Variants in LRRC18 observed in about 807,000 individuals in gnomAD.
The protein encoded by LRRC18 is leucine-rich repeat-containing protein 18.
Under a neutral mutation model 11.2 loss-of-function variants are expected in LRRC18, and 12 were observed. That is an observed-to-expected ratio of 1.07 (90% CI 0.69 to 1.74). The LOEUF is 1.74. LRRC18 is among the 40% of genes most tolerant of loss of function. The pLI is 0.00. For missense variants in LRRC18, 374 were observed against 330.5 expected, an observed-to-expected ratio of 1.13 and a Z score of -1.02; for synonymous variants, 155 against 130.6, an observed-to-expected ratio of 1.19 and a Z score of -1.27.
chr10:48,918,903 A>G (rs559134686), upstream of LRRC18, among the ~76,000 whole-genome samples: 2 of 152,340 alleles, frequency 1.3e-5, no homozygotes, highest in African/African-American at 2.4e-5. Context: ...CCAAATGTCC[A>G]CTGAGGAGCA....
chr10:48,929,172 A>G, the LRRC18 span, among the ~76,000 whole-genome samples: 2 of 152,126 alleles, frequency 1.3e-5, no homozygotes, highest in South Asian at 4.2e-4. Context: ...TGGAGGAAAC[A>G]TCAAGTGGAA....
chr10:48,910,300 C>A (rs770315041), intron 1 of LRRC18, 42 bp from the exon 4 acceptor site: 1 of 1,596,358 alleles, frequency 6.3e-7, no homozygotes, highest in East Asian at 2.2e-5. Context: ...TTGCTCCAGG[C>A]CACAGAGGCA....
the LRRC18 span, among the ~76,000 whole-genome samples, chr10:48,927,842 T>C: frequency 6.6e-6 from 1 of 152,238 alleles, no homozygotes. Context: ...ATGTACTCTG[T>C]TTTAATTGGA....
chr10:48,910,376 T>C, intron 1 of LRRC18, 118 bp from the exon 4 acceptor site: 1 of 845,122 alleles, frequency 1.2e-6, no homozygotes, highest in East Asian at 2.4e-5. Flanking sequence ...GATGGTCAGG[T>C]TAGTGTGAAT....
chr10:48,928,460 A>G, the LRRC18 span, among the ~76,000 whole-genome samples: 146,560 of 151,458 alleles, frequency 0.97, 71,098 homozygotes, highest in East Asian at 1. Context: ...CAAATGGGGA[A>G]CCTGGACTCC....
At chr10:48,937,926 C>T in the LRRC18 span, among the ~76,000 whole-genome samples, 1 of 152,148 alleles carries the variant, frequency 6.6e-6, no homozygotes, top group Non-Finnish European at 1.5e-5. Context: ...ACACTCTACC[C>T]CTGCCACACT....
At chr10:48,919,969 A>C in the LRRC18 span, among the ~76,000 whole-genome samples, 2 of 152,230 alleles carry the variant, frequency 1.3e-5, no homozygotes, top group Non-Finnish European at 2.9e-5. Context: ...AGATCTTCAG[A>C]CCAATATTCT....
chr10:48,914,286 C>T (rs187744321), upstream of LRRC18: 4 of 950,374 alleles, frequency 4.2e-6, no homozygotes, highest in African/African-American at 4.9e-5. Flanking sequence ...GCACTGGGCT[C>T]CCCCACGTCA....
In LRRC18 at chr10:48,909,934, C is replaced by T. The variant is rs1837849473; in HGVS notation, c.*303G>A. On this transcript the variant is annotated 3_prime_UTR_variant, in exon 2 of 2. Coordinates refer to ENST00000374160, the Ensembl canonical transcript of LRRC18. ...TGTAGAGGCAGTAAGCCTTTTAAGT[C>T]TTAAAGTCTTAAATATTTAGTTGTC... 2.4e-5 allele frequency: 9 copies of T among 372,372 alleles called. No homozygotes were observed. In the South Asian group the frequency reaches 3.5e-4, roughly 14 times the overall value. The allele number at this position is 372,372 out of a possible 1,614,324, so 23.1% of individuals were successfully genotyped here.
At chr10:48,913,472 G>A in exon 1 of LRRC18, 1 of 1,572,996 alleles carries the variant, frequency 6.4e-7, no homozygotes, top group Non-Finnish European at 8.6e-7. Flanking sequence ...GTGTCGTCGT[G>A]GCCATGTTCT....
chr10:48,922,345 T>G, the LRRC18 span, among the ~76,000 whole-genome samples: 1 of 152,134 alleles, frequency 6.6e-6, no homozygotes, highest in African/African-American at 2.4e-5. Context: ...GTCCTAGTAG[T>G]GAGTAGTGAT....
At chr10:48,928,095 A>AT in the LRRC18 span, among the ~76,000 whole-genome samples, 1 of 152,178 alleles carries the variant, frequency 6.6e-6, no homozygotes, top group East Asian at 1.9e-4. Flanking sequence ...GACAGGTGTT[A>AT]TTTTGTCTTC....
chr10:48,934,004 G>A, the LRRC18 span, among the ~76,000 whole-genome samples: 1 of 152,050 alleles, frequency 6.6e-6, no homozygotes, highest in Non-Finnish European at 1.5e-5. Flanking sequence ...GGCCCTGCAG[G>A]GTGGACAGCA....
chr10:48,924,358 T>G, the LRRC18 span, among the ~76,000 whole-genome samples: 1 of 152,236 alleles, frequency 6.6e-6, no homozygotes, highest in South Asian at 2.1e-4. Flanking sequence ...GATCTTTTGA[T>G]CATCTGTTTG....
chr10:48,915,417 A>ATT (rs11413657), upstream of LRRC18, among the ~76,000 whole-genome samples: 947 of 147,780 alleles, frequency 6.4e-3, 4 homozygotes, highest in South Asian at 0.026. Flanking sequence ...CTGCTTGCTG[A>ATT]TTTTTTTTTT....
the LRRC18 span, among the ~76,000 whole-genome samples, chr10:48,920,117 T>C: frequency 7.5e-6 from 1 of 132,470 alleles, no homozygotes; most frequent in Non-Finnish European, 1.8e-5. Context: ...ATTAACAGAC[T>C]AAAAAGAAAA....
the LRRC18 span, among the ~76,000 whole-genome samples, chr10:48,930,600 A>G: frequency 6.6e-6 from 1 of 152,204 alleles, no homozygotes; most frequent in Non-Finnish European, 1.5e-5. Context: ...TGGAGAACAC[A>G]TGGAGGCCAC....
At chr10:48,914,004 T>A (rs1396611103) in exon 1 of LRRC18, 1 of 1,614,012 alleles carries the variant, frequency 6.2e-7, no homozygotes, top group Non-Finnish European at 8.5e-7. Context: ...CTCGTCCATG[T>A]CACTAAGGCG....
the LRRC18 span, among the ~76,000 whole-genome samples, chr10:48,924,724 C>T: frequency 6.6e-6 from 1 of 152,128 alleles, no homozygotes; most frequent in East Asian, 1.9e-4. Flanking sequence ...TGGTGGGATA[C>T]CCCATGGATA....
Sources: gnomAD v4.1 joint callset for allele counts (sites outside exome capture counted in the v4.1 genomes callset) on GRCh38, gnomAD v4.1.1 for gene constraint, MANE v1.5 for transcripts, NCBI Gene and HGNC (gene_info 2026-07-23, HGNC 2026-07-21) for gene names.